The following ATL1 variants were observed in gnomAD, a reference collection of about 807,000 sequenced individuals.
ATL1 encodes the protein atlastin-1.
In ATL1, 31 loss-of-function variants were observed where a neutral mutation model predicts 75.5. That is an observed-to-expected ratio of 0.41 (90% CI 0.31 to 0.55). ATL1 has a LOEUF of 0.55. ATL1 is among the 20% of genes least tolerant of loss of function. The pLI is 0.27. For synonymous variants in ATL1, 226 were observed against 233.3 expected, an observed-to-expected ratio of 0.97 and a Z score of 0.28; for missense variants, 405 against 662.6, an observed-to-expected ratio of 0.61 and a Z score of 4.27.
intron 1 of ATL1, among the ~76,000 whole-genome samples, chr14:50,568,586 G>T (rs1252137980): frequency 6.6e-6 from 1 of 152,088 alleles, no homozygotes; most frequent in East Asian, 1.9e-4. Context: ...AGCTCTTATA[G>T]ACAGCATAGA....
At chr14:50,595,989 A>T (rs1252982796) in intron 6 of ATL1, among the ~76,000 whole-genome samples, 1 of 152,130 alleles carries the variant, frequency 6.6e-6, no homozygotes, top group Non-Finnish European at 1.5e-5. Context: ...ACATCCAGCC[A>T]TATCTTATGA....
intron 6 of ATL1, among the ~76,000 whole-genome samples, chr14:50,608,439 A>G (rs2039334548): frequency 6.6e-6 from 1 of 151,008 alleles, no homozygotes; most frequent in Non-Finnish European, 1.5e-5. Flanking sequence ...GGGTATATTT[A>G]CACCACAGAA....
chr14:50,574,034 G>A lies in ATL1; in HGVS notation c.34+13735G>A, dbSNP rs112078198. Among the ~76,000 whole-genome samples, 49 of 152,214 alleles carry A rather than the reference G, an allele frequency of 3.2e-4. 2 individuals are homozygous for A. Among genetic ancestry groups the A allele is most frequent in the Admixed American group, 2.4e-3 (36 of 15,298 alleles). On this transcript the variant is annotated intron_variant, in intron 1 of 13. Coordinates refer to ENST00000358385, the MANE Select transcript of ATL1 (RefSeq NM_015915.5). ...TGGGGAAGGAGACTGACTGATAACC[G>A]TAAAATGAGTCACCTTGTGTACCTA... is the stretch of plus-strand genomic sequence containing the variant.
intron 1 of ATL1, among the ~76,000 whole-genome samples, chr14:50,534,830 G>T (rs564537108): frequency 6.6e-6 from 1 of 152,202 alleles, no homozygotes; most frequent in Non-Finnish European, 1.5e-5. Context: ...ATTTTAACAA[G>T]ATCAGTGAAG....
intron 8 of ATL1, among the ~76,000 whole-genome samples, chr14:50,618,291 G>T (rs1158881893): frequency 6.6e-6 from 1 of 152,114 alleles, no homozygotes; most frequent in African/African-American, 2.4e-5. Context: ...CAGATACATG[G>T]CAGGCAATAA....
At chr14:50,566,150 A>T (rs1231413246) in intron 1 of ATL1, among the ~76,000 whole-genome samples, 2 of 152,110 alleles carry the variant, frequency 1.3e-5, no homozygotes, top group Non-Finnish European at 2.9e-5. Context: ...GGTGCCCGCC[A>T]CCACACCCAG....
chr14:50,600,964 C>G (rs1271833354), intron 6 of ATL1, among the ~76,000 whole-genome samples: 1 of 151,916 alleles, frequency 6.6e-6, no homozygotes, highest in Non-Finnish European at 1.5e-5. Context: ...AAAAAATCCA[C>G]AAAGAACTAC....
intron 6 of ATL1, among the ~76,000 whole-genome samples, chr14:50,607,796 T>C (rs1445531228): frequency 6.6e-6 from 1 of 152,126 alleles, no homozygotes; most frequent in Non-Finnish European, 1.5e-5. Context: ...ATTTGTTTCA[T>C]ATAAGCTTTT....
At chr14:50,596,135 G>A (rs913838579) in intron 6 of ATL1, among the ~76,000 whole-genome samples, 1 of 152,134 alleles carries the variant, frequency 6.6e-6, no homozygotes, top group Non-Finnish European at 1.5e-5. Flanking sequence ...ATTTAGAATA[G>A]AGAAGTTCAT....
chr14:50,543,691 T>C (rs2038593991), intron 1 of ATL1, among the ~76,000 whole-genome samples: 1 of 152,156 alleles, frequency 6.6e-6, no homozygotes, highest in Non-Finnish European at 1.5e-5. Flanking sequence ...CTCAACCCAG[T>C]CACCATTATA....
intron 1 of ATL1, 65 bp downstream of exon 1, chr14:50,560,364 T>A: frequency 6.3e-7 from 1 of 1,586,934 alleles, no homozygotes. Flanking sequence ...TTTCTGCTTC[T>A]GTGGAGACAG....
chr14:50,539,540 C>A (rs1412109778), intron 1 of ATL1, among the ~76,000 whole-genome samples: 1 of 152,168 alleles, frequency 6.6e-6, no homozygotes, highest in East Asian at 1.9e-4. Context: ...AAACGTGAGA[C>A]CCAGTTCTGT....
At chr14:50,568,447 G>A (rs2038924801) in intron 1 of ATL1, among the ~76,000 whole-genome samples, 1 of 151,846 alleles carries the variant, frequency 6.6e-6, no homozygotes, top group Non-Finnish European at 1.5e-5. Context: ...TAACTTCTGT[G>A]GTTTTTTAAA....
At chr14:50,600,367 G>T (rs926319094) in intron 6 of ATL1, among the ~76,000 whole-genome samples, 1 of 151,890 alleles carries the variant, frequency 6.6e-6, no homozygotes, top group South Asian at 2.1e-4. Flanking sequence ...AAAAGTTTTC[G>T]CTGACTGAGT....
intron 13 of ATL1, among the ~76,000 whole-genome samples, chr14:50,631,861 T>C (rs1313081070): frequency 6.6e-6 from 1 of 152,144 alleles, no homozygotes; most frequent in East Asian, 1.9e-4. Context: ...CTATGCATAA[T>C]AGTTACTGCC....
At chr14:50,611,504 G>A (rs1179519522) in intron 6 of ATL1, among the ~76,000 whole-genome samples, 1 of 152,106 alleles carries the variant, frequency 6.6e-6, no homozygotes, top group African/African-American at 2.4e-5. Flanking sequence ...GAAGGGAGGA[G>A]TGGTAAGAGG....
At chr14:50,567,226 T>A (rs1360144368) in intron 1 of ATL1, among the ~76,000 whole-genome samples, 1 of 152,238 alleles carries the variant, frequency 6.6e-6, no homozygotes, top group African/African-American at 2.4e-5. Context: ...GATACATTTT[T>A]TTTTTTACTG....
chr14:50,575,980 A>C (rs2039002285), intron 1 of ATL1, among the ~76,000 whole-genome samples: 1 of 152,262 alleles, frequency 6.6e-6, no homozygotes, highest in East Asian at 1.9e-4. Flanking sequence ...AGTGTATAAA[A>C]AGGTGAAATG....
At chr14:50,547,098 G>A (rs548638463) in intron 1 of ATL1, among the ~76,000 whole-genome samples, 6 of 152,176 alleles carry the variant, frequency 3.9e-5, no homozygotes, top group African/African-American at 1.4e-4. Flanking sequence ...TTACTTAGGT[G>A]AACATCTTAT....
Sources: allele counts gnomAD v4.1 joint callset (sites outside exome capture counted in the v4.1 genomes callset), GRCh38; gene constraint gnomAD v4.1.1; transcripts MANE v1.5; gene names NCBI Gene and HGNC (gene_info 2026-07-23, HGNC 2026-07-21).